The following TULP4 variants were observed in gnomAD, a reference collection of about 807,000 sequenced individuals.
TULP4 encodes TUB like protein 4.
A neutral mutation model predicts 129.0 loss-of-function variants in TULP4; 16 were observed. The observed-to-expected ratio is 0.12, with a 90% CI of 0.08 to 0.19. The LOEUF (loss-of-function observed/expected upper bound fraction) is 0.19. Ranked by LOEUF, TULP4 falls within the 10% of genes least tolerant of loss-of-function variation. The pLI is 1.00. For synonymous variants in TULP4, 998 were observed against 854.0 expected, an observed-to-expected ratio of 1.17 and a Z score of -2.94; for missense variants, 1,842 against 2,059.1, an observed-to-expected ratio of 0.89 and a Z score of 2.04.
chr6:158,509,291 T>C lies in TULP4; in HGVS notation c.*2597T>C, dbSNP rs1300712627. The C allele has an allele frequency of 1.3e-5, 2 of 151,954 alleles. No homozygotes were observed. Among genetic ancestry groups the C allele is most frequent in the African/African-American group, 2.4e-5 (1 of 41,422 alleles). 9.4% of individuals were successfully genotyped at this position (151,954 alleles called of 1,614,324 possible). A position where few individuals can be genotyped will look rare whatever the true frequency, so the allele number is the denominator to read the frequency against. ...TTTTTGTATTTTGTGTTATTGATTA[T>C]ATACAAAGGAGACTTTTTTTTTGAG... On this transcript the variant is annotated 3_prime_UTR_variant, in exon 14 of 14. Transcript: ENST00000367097.
In TULP4 at chr6:158,461,558, T is replaced by C. The variant is rs1779428702; in HGVS notation, c.860-5T>C. 1.2e-6 allele frequency: 2 copies of C among 1,612,394 alleles called. No homozygotes were observed. The highest frequency in any genetic ancestry group is 2.7e-5 in the African/African-American group (2 of 74,882). On this transcript the variant is annotated splice_region_variant and splice_polypyrimidine_tract_variant and intron_variant, in intron 5 of 13. Coordinates refer to ENST00000367097, the MANE Select transcript of TULP4 (RefSeq NM_020245.5). ...CTTGTGCTGACCCTCTCTCCTCTGT[T>C]TCAGAGGTGGTAGCCCAGTGGTGCA...
chr6:158,408,554 C>T (rs553444853), intron 1 of TULP4, among the ~76,000 whole-genome samples: 3 of 152,200 alleles, frequency 2.0e-5, no homozygotes, highest in Non-Finnish European at 2.9e-5. Context: ...CTCACAACTC[C>T]GTGAGGGGTG....
chr6:158,502,475 T>G lies in TULP4; in HGVS notation c.2812T>G (p.Cys938Gly), dbSNP rs1361669658. The G allele has an allele frequency of 1.9e-6, 3 of 1,612,900 alleles. No homozygotes were observed. Among genetic ancestry groups the G allele is most frequent in the Non-Finnish European group, 8.5e-7 (1 of 1,179,818 alleles). ...TATEKKVPQPCSSATLNRLTV... is the reference protein window; with the variant it reads ...TATEKKVPQPGSSATLNRLTV... Reference sequence around the variant, plus strand: ...CACTGAGAAGAAGGTCCCTCAGCCCTGCAGCAGTGCCACCCTGAACCGCCT... The same window carrying G: ...CACTGAGAAGAAGGTCCCTCAGCCCGGCAGCAGTGCCACCCTGAACCGCCT... Residue 938 changes from cysteine to glycine, a missense_variant, in exon 13 of 14, where the codon TGC (cysteine) becomes GGC (glycine). Physicochemically the swap from Cys to Gly is radical, Grantham distance 159 (BLOSUM62 -3). Coordinates refer to ENST00000367097, the MANE Select transcript of TULP4 (RefSeq NM_020245.5).
chr6:158,379,592 G>A (rs1292987877), intron 1 of TULP4, among the ~76,000 whole-genome samples: 5 of 152,182 alleles, frequency 3.3e-5, no homozygotes, highest in Admixed American at 2.6e-4. Context: ...ATCTTTCAGT[G>A]TTTCAAGCGA....
intron 1 of TULP4, among the ~76,000 whole-genome samples, chr6:158,331,091 G>T (rs767122800): frequency 3.3e-5 from 5 of 151,910 alleles, no homozygotes; most frequent in South Asian, 2.1e-4. Flanking sequence ...GTTGTTATTG[G>T]TTTTTTTCCC....
chr6:158,370,989 C>T (rs970679192), intron 1 of TULP4, among the ~76,000 whole-genome samples: 12 of 152,232 alleles, frequency 7.9e-5, no homozygotes, highest in South Asian at 2.1e-4. Flanking sequence ...ACTGACCCCT[C>T]GTGCCAGTTC....
chr6:158,506,178 A>G (rs1780594317), intron 13 of TULP4, among the ~76,000 whole-genome samples: 1 of 149,942 alleles, frequency 6.7e-6, no homozygotes, highest in African/African-American at 2.5e-5. Context: ...GTCTGCTTCC[A>G]TAAGGAGCCA....
Position 158,506,834 on chromosome 6 carries a change from G to A in TULP4, c.*140G>A. The A allele has an allele frequency of 1.6e-6, 1 of 636,686 alleles. No homozygotes were observed. Among genetic ancestry groups the A allele is most frequent in the Non-Finnish European group, 2.8e-6 (1 of 359,080 alleles). The allele number at this position is 636,686 out of a possible 1,614,324, so 39.4% of individuals were successfully genotyped here. A position where few individuals can be genotyped will look rare whatever the true frequency, so the allele number is the denominator to read the frequency against. On this transcript the variant is annotated 3_prime_UTR_variant, in exon 14 of 14. Coordinates refer to ENST00000367097, the MANE Select transcript of TULP4 (RefSeq NM_020245.5). ...AACTGGAAAAGCCCGGCAGGCCCAG[G>A]AGAGGGCGCTGACCTGTGGTCGTCA...
intron 12 of TULP4, 33 bp downstream of exon 12, chr6:158,498,845 G>A (rs371324853): frequency 9.6e-5 from 154 of 1,610,686 alleles, no homozygotes; most frequent in Non-Finnish European, 1.2e-4. Context: ...GTTTGTCACG[G>A]TCCCTCTGTC....
At chr6:158,439,877 AATTTTTTGT>A (rs1434788061) in intron 3 of TULP4, among the ~76,000 whole-genome samples, 1 of 151,160 alleles carries the variant, frequency 6.6e-6, no homozygotes, top group African/African-American at 2.4e-5. Flanking sequence ...ATGCCCGGCT[AATTTTTTGT>A]ATTTTTTGTA....
intron 1 of TULP4, chr6:158,238,276 C>T: frequency 8.8e-7 from 1 of 1,132,246 alleles, no homozygotes; most frequent in Non-Finnish European, 1.3e-6. Flanking sequence ...CTTTTGTGTG[C>T]TGCTTTTCAC....
intron 6 of TULP4, among the ~76,000 whole-genome samples, chr6:158,469,419 G>A (rs1779624282): frequency 6.6e-6 from 1 of 152,002 alleles, no homozygotes; most frequent in South Asian, 2.1e-4. Context: ...GACTACAGGT[G>A]TGTGCCACCA....
At chr6:158,403,773 C>G (rs1156902259) in intron 1 of TULP4, among the ~76,000 whole-genome samples, 1 of 152,178 alleles carries the variant, frequency 6.6e-6, no homozygotes, top group East Asian at 1.9e-4. Flanking sequence ...TTGCCTTAGT[C>G]ACCTAGATAT....
At chr6:158,259,615 C>T (rs755540914) in intron 1 of TULP4, among the ~76,000 whole-genome samples, 6 of 152,138 alleles carry the variant, frequency 3.9e-5, no homozygotes, top group Non-Finnish European at 5.9e-5. Context: ...GCTCTAACAC[C>T]AGCTTGGTGT....
At chr6:158,449,378 T>C (rs1779119674) in intron 4 of TULP4, among the ~76,000 whole-genome samples, 1 of 152,196 alleles carries the variant, frequency 6.6e-6, no homozygotes, top group South Asian at 2.1e-4. Flanking sequence ...GTTGTCCCTT[T>C]TCTCAGAATC....
chr6:158,447,446 T>C (rs1241584492), intron 3 of TULP4, among the ~76,000 whole-genome samples: 1 of 152,260 alleles, frequency 6.6e-6, no homozygotes, highest in East Asian at 1.9e-4. Context: ...CATTAAAATA[T>C]AGATCATATT....
At chr6:158,350,643 G>A (rs1362049582) in intron 1 of TULP4, among the ~76,000 whole-genome samples, 2 of 152,178 alleles carry the variant, frequency 1.3e-5, no homozygotes, top group African/African-American at 2.4e-5. Context: ...GAGAATCACG[G>A]GAGCCCGAGG....
chr6:158,258,449 G>C (rs909936275), intron 1 of TULP4, among the ~76,000 whole-genome samples: 3 of 152,140 alleles, frequency 2.0e-5, no homozygotes, highest in Non-Finnish European at 4.4e-5. Flanking sequence ...TTGTGTTCCA[G>C]AATTTCCAGG....
At chr6:158,464,367 G>A (rs544995654) in intron 6 of TULP4, among the ~76,000 whole-genome samples, 1 of 152,332 alleles carries the variant, frequency 6.6e-6, no homozygotes, top group South Asian at 2.1e-4. Flanking sequence ...CTGATTGGTT[G>A]AAAATCTTTG....
Sources: gnomAD v4.1 joint callset for allele counts (sites outside exome capture counted in the v4.1 genomes callset) on GRCh38, gnomAD v4.1.1 for gene constraint, MANE v1.5 for transcripts, NCBI Gene and HGNC (gene_info 2026-07-23, HGNC 2026-07-21) for gene names.